The following TMEM131L variants were observed in gnomAD, a reference collection of about 807,000 sequenced individuals.
The protein encoded by TMEM131L is transmembrane 131 like.
A neutral mutation model predicts 192.2 loss-of-function variants in TMEM131L; 54 were observed. That is an observed-to-expected ratio of 0.28 (90% CI 0.23 to 0.35). TMEM131L has a LOEUF of 0.35. TMEM131L is among the 10% of genes least tolerant of loss of function. TMEM131L has a pLI of 1.00. For synonymous variants in TMEM131L, 701 were observed against 704.9 expected (o/e 0.99, Z 0.09); for missense variants, 1,888 against 1,972.9 (o/e 0.96, Z 0.82).
Position 153,636,397 on chromosome 4 carries a change from A to G in TMEM131L, c.4654A>G (p.Ile1552Val), listed in dbSNP as rs1017301040. Residue 1552 changes from isoleucine (I) to valine (V), a missense_variant, in exon 35 of 35, where the codon ATC becomes GTC. Physicochemically the swap from Ile to Val is conservative, Grantham distance 29. Coordinates refer to ENST00000409959, the MANE Select transcript of TMEM131L (RefSeq NM_001131007.2). ...CGATGTGTATGAAAATTGCTGCCCC[A>G]TCAACCCCACCACGGAACATTCGAC... ...QSDVYENCCP[I>V]NPTTEHSTHM... 9 of 1,614,018 alleles carry G rather than the reference A, an allele frequency of 5.6e-6. No individual in the cohort carries two copies. The East Asian group carries it at 6.7e-5, about 12-fold the overall frequency.
At chr4:153,502,664 T>G (rs1733700012) in intron 3 of TMEM131L, among the ~76,000 whole-genome samples, 1 of 152,254 alleles carries the variant, frequency 6.6e-6, no homozygotes, top group African/African-American at 2.4e-5. Context: ...AGAAGAAAAT[T>G]GCAAATTATT....
At chr4:153,476,960 A>G (rs565481413) in intron 3 of TMEM131L, among the ~76,000 whole-genome samples, 3 of 152,328 alleles carry the variant, frequency 2.0e-5, no homozygotes, top group East Asian at 1.9e-4. Flanking sequence ...AACGCCCACA[A>G]TTGTAAATGT....
rs200180393 is a variant in TMEM131L, at chr4:153,500,298, GT to G, written c.239+26413del. ...TTATATATTCCTTTGTAGAGACAGG[GT>G]TTCTTTATGTTGCCCAGGCTGATCT... is the stretch of plus-strand genomic sequence containing the variant. On this transcript the variant is annotated intron_variant, in intron 3 of 34. Coordinates refer to ENST00000409959, the MANE Select transcript of TMEM131L (RefSeq NM_001131007.2). Among the ~76,000 whole-genome samples, 1,308 of 152,232 alleles carry G rather than the reference GT, an allele frequency of 8.6e-3. 13 individuals are homozygous for G. The highest frequency in any genetic ancestry group is 0.014 in the Middle Eastern group (4 of 292).
chr4:153,590,142 C>T, intron 16 of TMEM131L, among the ~76,000 whole-genome samples: 1 of 152,168 alleles, frequency 6.6e-6, no homozygotes, highest in East Asian at 1.9e-4. Flanking sequence ...CATTTAAAGG[C>T]CATGCATTGC....
chr4:153,520,433 C>T (rs1319641945), intron 3 of TMEM131L, among the ~76,000 whole-genome samples: 1 of 152,194 alleles, frequency 6.6e-6, no homozygotes, highest in Non-Finnish European at 1.5e-5. Flanking sequence ...CACACCATTG[C>T]TCTCCAGCCT....
At position 153,604,302 on chromosome 4, in the gene TMEM131L, C is replaced by G. The variant is rs1362348736; in HGVS notation, c.3290C>G (p.Thr1097Arg). ...ACTGACATTAAAACTTCAGAGAACA[C>G]AGCCGAGTTCAAGGAACGGGAGCTC... ...KETDIKTSEN[T>R]AEFKERELCP... is the part of the protein sequence containing the mutation. The change falls in exon 25 of 35, where the codon ACA becomes AGA. Residue 1097 changes from threonine to arginine, a missense_variant. Coordinates refer to ENST00000409959, the MANE Select transcript of TMEM131L (RefSeq NM_001131007.2). 4 of 1,614,168 alleles carry G rather than the reference C, an allele frequency of 2.5e-6. No individual in the cohort carries two copies. In the Admixed American group the frequency reaches 5.0e-5, roughly 20 times the overall value.
At chr4:153,549,173 C>T (rs978801142) in intron 3 of TMEM131L, among the ~76,000 whole-genome samples, 7 of 152,048 alleles carry the variant, frequency 4.6e-5, no homozygotes, top group Non-Finnish European at 1.0e-4. Context: ...CACTGTGTTG[C>T]CCAGGCTGCT....
intron 7 of TMEM131L, among the ~76,000 whole-genome samples, chr4:153,578,386 A>G (rs1242653747): frequency 6.6e-6 from 1 of 151,232 alleles, no homozygotes; most frequent in Admixed American, 6.6e-5. Context: ...ACGGAGTTTC[A>G]CTCTTGTCAC....
At chr4:153,562,616 T>C (rs1728918953) in intron 7 of TMEM131L, among the ~76,000 whole-genome samples, 1 of 152,150 alleles carries the variant, frequency 6.6e-6, no homozygotes, top group African/African-American at 2.4e-5. Flanking sequence ...GGGGAGTTAG[T>C]GGATTGAGGA....
intron 31 of TMEM131L, chr4:153,632,492 C>T (rs1409770379): frequency 7.8e-6 from 4 of 514,204 alleles, no homozygotes; most frequent in South Asian, 4.9e-5. Context: ...ATGTGAGTCT[C>T]ATCTTGTCAT....
chr4:153,636,480 T>C lies in TMEM131L; in HGVS notation c.4737T>C (p.Phe1579=). 6.2e-7 allele frequency: 1 copy of C among 1,614,234 alleles called. No homozygotes were observed. Among genetic ancestry groups the C allele is most frequent in the South Asian group, 1.1e-5 (1 of 91,088 alleles). The change falls in exon 35 of 35, where the codon TTT becomes TTC. Residue 1579 remains phenylalanine, a synonymous_variant. Coordinates refer to ENST00000409959, the MANE Select transcript of TMEM131L (RefSeq NM_001131007.2). Reference sequence around the variant, plus strand: ...AATACTACCCGGGGTTCAACCCGTTTCGCGCCTATATGAACCTGGACATAT... The same window carrying C: ...AATACTACCCGGGGTTCAACCCGTTCCGCGCCTATATGAACCTGGACATAT... The part of the protein sequence containing the change: ...CKEYYPGFNP[F]RAYMNLDIWT...
At chr4:153,550,180 T>G (rs1737499988) in intron 4 of TMEM131L, 39 bp downstream of exon 4, 2 of 851,906 alleles carry the variant, frequency 2.3e-6, no homozygotes, top group Non-Finnish European at 3.5e-6. Flanking sequence ...TCATTTTATT[T>G]ATACTATTTA....
intron 3 of TMEM131L, among the ~76,000 whole-genome samples, chr4:153,504,103 A>C (rs1385287124): frequency 1.3e-5 from 2 of 150,854 alleles, no homozygotes; most frequent in Admixed American, 1.3e-4. Flanking sequence ...AGTAGCTGGG[A>C]CTACAGGCGC....
intron 26 of TMEM131L, among the ~76,000 whole-genome samples, chr4:153,612,706 G>A (rs2126602372): frequency 6.6e-6 from 1 of 152,144 alleles, no homozygotes; most frequent in South Asian, 2.1e-4. Flanking sequence ...AGTTATTACT[G>A]AACATCTATA....
intron 3 of TMEM131L, among the ~76,000 whole-genome samples, chr4:153,504,839 A>T (rs1053171957): frequency 1.3e-5 from 2 of 152,214 alleles, no homozygotes. Flanking sequence ...GCCACAGACA[A>T]CATGCCATTG....
intron 26 of TMEM131L, among the ~76,000 whole-genome samples, chr4:153,614,532 G>A (rs1359209600): frequency 6.6e-6 from 1 of 152,150 alleles, no homozygotes; most frequent in East Asian, 1.9e-4. Flanking sequence ...GGGCGGCGGG[G>A]TGGACAGTGG....
At position 153,555,685 on chromosome 4, in the gene TMEM131L, G is replaced by T. The variant is rs1039665273; in HGVS notation, c.309-102G>T. On this transcript the variant is annotated intron_variant, in intron 4 of 34. Coordinates refer to ENST00000409959, the MANE Select transcript of TMEM131L (RefSeq NM_001131007.2). This position sits in a 1 kb window ranked among gnomAD's most constrained non-coding sequence, Gnocchi z 4.1. ...TGTGATGAACAGCAACAGCTTTCTG[G>T]GTTTAAAAATCTGTGTGTATATATA... 32 of 978,046 alleles carry T rather than the reference G, an allele frequency of 3.3e-5. No individual in the cohort carries two copies. Among genetic ancestry groups the T allele is most frequent in the Non-Finnish European group, 4.3e-5 (30 of 702,664 alleles). The allele number at this position is 978,046 out of a possible 1,614,324, so 60.6% of individuals were successfully genotyped here.
chr4:153,501,179 C>T (rs1418549449), intron 3 of TMEM131L, among the ~76,000 whole-genome samples: 1 of 151,802 alleles, frequency 6.6e-6, no homozygotes, highest in Non-Finnish European at 1.5e-5. Context: ...ACTTATAATG[C>T]CCACCTCACA....
At chr4:153,556,889 C>CA (rs1169070790) in intron 5 of TMEM131L, 77 bp from the exon 6 acceptor site, 18 of 726,664 alleles carry the variant, frequency 2.5e-5, no homozygotes, top group South Asian at 9.9e-5. Flanking sequence ...CAGAAATTGT[C>CA]AAAAAAAGAA....
Sources: allele counts gnomAD v4.1 joint callset (sites outside exome capture counted in the v4.1 genomes callset), GRCh38; gene constraint gnomAD v4.1.1; non-coding constraint Gnocchi (gnomAD v3.1); transcripts MANE v1.5; gene names NCBI Gene and HGNC (gene_info 2026-07-23, HGNC 2026-07-21).